Variants in PCDH15 observed in about 807,000 individuals in gnomAD.
PCDH15 encodes protocadherin related 15.
A neutral mutation model predicts 178.5 loss-of-function variants in PCDH15; 129 were observed. The ratio of observed to expected loss-of-function variants is 0.72; its 90% CI spans 0.63 to 0.84. PCDH15 has a LOEUF of 0.84. Among genes scored for constraint, PCDH15 ranks in the 40% least tolerant of loss-of-function variants. The probability of loss-of-function intolerance (pLI) is 0.00; values close to 1 mark genes in which losing one functional copy is unlikely to be tolerated. For missense variants in PCDH15, 2,230 were observed against 2,099.9 expected, an observed-to-expected ratio of 1.06 and a Z score of -1.21; for synonymous variants, 800 against 732.0, an observed-to-expected ratio of 1.09 and a Z score of -1.50.
intron 2 of PCDH15, among the ~76,000 whole-genome samples, chr10:55,493,950 C>A (rs186201820): frequency 8.0e-4 from 122 of 151,898 alleles, no homozygotes; most frequent in South Asian, 3.1e-3. Flanking sequence ...TTTCTAGTTT[C>A]TTCATGATTT....
chr10:55,349,906 A>C (rs1844865818), intron 2 of PCDH15, among the ~76,000 whole-genome samples: 1 of 151,838 alleles, frequency 6.6e-6, no homozygotes, highest in South Asian at 2.1e-4. Context: ...GATTCCAATA[A>C]CTATATTGTT....
rs148246095 is a variant in PCDH15 at position 54,573,086 on chromosome 10, T to G, written c.92-45209A>C. Among the ~76,000 whole-genome samples the G allele has an allele frequency of 1.7e-3, 263 of 152,282 alleles. 2 individuals carry two copies. The highest frequency in any genetic ancestry group is 6.2e-3 in the African/African-American group (256 of 41,580). ...TCCTCATACTGTGCCTTGCTTCTCC[T>G]TTATATGTAAAGTTTACATATCAAT... is the stretch of plus-strand genomic sequence containing the variant. On this transcript the variant is annotated intron_variant, in intron 2 of 37. Transcript: ENST00000644397.
intron 13 of PCDH15, among the ~76,000 whole-genome samples, chr10:54,178,291 A>C (rs2047637953): frequency 6.6e-6 from 1 of 152,198 alleles, no homozygotes; most frequent in African/African-American, 2.4e-5. Context: ...AGATAGATAA[A>C]TACAGATAGA....
intron 9 of PCDH15, 110 bp from the exon 10 acceptor site, chr10:54,214,158 T>G: frequency 1.5e-6 from 1 of 676,700 alleles, no homozygotes; most frequent in South Asian, 1.5e-5. Context: ...ATTTCATTAG[T>G]AAATTAAGTT....
chr10:55,426,633 A>C (rs1220469096), intron 2 of PCDH15, among the ~76,000 whole-genome samples: 1 of 152,140 alleles, frequency 6.6e-6, no homozygotes, highest in African/African-American at 2.4e-5. Flanking sequence ...CTGCCTTCCA[A>C]CAGCGAGGGC....
rs181983615 is a variant in PCDH15, at chr10:55,116,346, C to T, written c.-80+50230G>A. Among the ~76,000 whole-genome samples the T allele has an allele frequency of 6.6e-5, 10 of 152,242 alleles. No individual in the cohort carries two copies. In the South Asian group the frequency reaches 1.0e-3, roughly 16 times the overall value. ...TCTTTGTTTATTTGACTCAGCTATA[C>T]ATAAATGTCATTTTGAATATCAAAA... On this transcript the variant is annotated intron_variant, in intron 2 of 5. Transcript: ENST00000458638.
chr10:54,408,842 G>A (rs1348995340), intron 3 of PCDH15, among the ~76,000 whole-genome samples: 2 of 152,100 alleles, frequency 1.3e-5, no homozygotes, highest in African/African-American at 2.4e-5. Context: ...TCTGTAGTTG[G>A]CAATGTTGGC....
intron 2 of PCDH15, among the ~76,000 whole-genome samples, chr10:55,346,698 T>G (rs541189426): frequency 6.6e-6 from 1 of 151,974 alleles, no homozygotes; most frequent in African/African-American, 2.4e-5. Flanking sequence ...TTGGACTTTT[T>G]TTTTTTTTTG....
chr10:55,207,825 T>C (rs1840445771), intron 1 of PCDH15, among the ~76,000 whole-genome samples: 1 of 151,960 alleles, frequency 6.6e-6, no homozygotes, highest in Admixed American at 6.6e-5. Context: ...AAAAATTAGC[T>C]GGGCGTGGTG....
At chr10:54,603,434 T>C (rs191796749) in intron 2 of PCDH15, among the ~76,000 whole-genome samples, 1 of 151,888 alleles carries the variant, frequency 6.6e-6, no homozygotes, top group African/African-American at 2.4e-5. Context: ...TGGGTTAGTA[T>C]GTATTTTTTT....
chr10:55,375,249 G>T (rs1845592456), intron 2 of PCDH15, among the ~76,000 whole-genome samples: 2 of 152,062 alleles, frequency 1.3e-5, no homozygotes, highest in Non-Finnish European at 2.9e-5. Context: ...TTCCTGAAAG[G>T]TATCAAATTT....
At chr10:54,536,461 A>G (rs1304329365) in intron 2 of PCDH15, among the ~76,000 whole-genome samples, 1 of 152,022 alleles carries the variant, frequency 6.6e-6, no homozygotes, top group Non-Finnish European at 1.5e-5. Flanking sequence ...TAGTAGATCA[A>G]ATAAGGAATG....
intron 2 of PCDH15, among the ~76,000 whole-genome samples, chr10:55,078,343 T>C (rs1477922841): frequency 2.0e-5 from 3 of 152,170 alleles, no homozygotes; most frequent in Admixed American, 1.3e-4. Context: ...TGGCCTCCTG[T>C]ATCTGGATGT....
intron 1 of PCDH15, among the ~76,000 whole-genome samples, chr10:55,224,016 C>T (rs1008968256): frequency 6.6e-6 from 1 of 151,992 alleles, no homozygotes; most frequent in African/African-American, 2.4e-5. Flanking sequence ...CTTTGGGAGG[C>T]TAAGGCAGGT....
chr10:55,167,814 C>T (rs920258992), intron 1 of PCDH15, among the ~76,000 whole-genome samples: 1 of 152,006 alleles, frequency 6.6e-6, no homozygotes, highest in South Asian at 2.1e-4. Context: ...TTGTGATCTG[C>T]TGAATAAGTG....
intron 27 of PCDH15, among the ~76,000 whole-genome samples, chr10:53,865,983 T>C (rs973230757): frequency 1.2e-4 from 18 of 152,134 alleles, no homozygotes; most frequent in African/African-American, 4.3e-4. Context: ...TATGCACTGG[T>C]GTTAAATATT....
chr10:54,230,397 A>C (rs1226955517), intron 9 of PCDH15, among the ~76,000 whole-genome samples: 1 of 152,182 alleles, frequency 6.6e-6, no homozygotes, highest in East Asian at 1.9e-4. Flanking sequence ...AAAAGGAAAC[A>C]GAAAAATATG....
intron 1 of PCDH15, among the ~76,000 whole-genome samples, chr10:54,719,371 T>C (rs73256653): frequency 0.12 from 18,477 of 152,034 alleles, 1,231 homozygotes; most frequent in African/African-American, 0.17. Context: ...TAGGATTATG[T>C]AGTGTCCAAA....
intron 2 of PCDH15, among the ~76,000 whole-genome samples, chr10:54,537,148 G>C (rs111252391): frequency 6.6e-6 from 1 of 151,802 alleles, no homozygotes; most frequent in South Asian, 2.1e-4. Context: ...ACAGGCGCCC[G>C]CTACCATGCC....
Sources: allele counts gnomAD v4.1 joint callset (sites outside exome capture counted in the v4.1 genomes callset), GRCh38; gene constraint gnomAD v4.1.1; transcripts MANE v1.5; gene names NCBI Gene and HGNC (gene_info 2026-07-23, HGNC 2026-07-21).